The following CDC42BPA variants were observed in gnomAD, a reference collection of about 807,000 sequenced individuals.
CDC42BPA encodes serine/threonine-protein kinase MRCK alpha.
A neutral mutation model predicts 223.5 loss-of-function variants in CDC42BPA; 80 were observed. That is an observed-to-expected ratio of 0.36 (90% CI 0.30 to 0.43). CDC42BPA has a LOEUF of 0.43. Among genes scored for constraint, CDC42BPA ranks in the 20% least tolerant of loss-of-function variants. The pLI is 1.00. For missense variants in CDC42BPA, 1,743 were observed against 2,099.9 expected (o/e 0.83, Z 3.32); for synonymous variants, 694 against 718.6 (o/e 0.97, Z 0.55).
At chr1:227,022,668 T>A (rs899287303) in intron 32 of CDC42BPA, among the ~76,000 whole-genome samples, 28 of 152,198 alleles carry the variant, frequency 1.8e-4, no homozygotes, top group African/African-American at 6.3e-4. Context: ...ATGTGAACAG[T>A]CTCCCTGGCA....
chr1:227,267,936 G>C lies in CDC42BPA; in HGVS notation c.179-13781C>G, dbSNP rs9919207. On this transcript the variant is annotated intron_variant, in intron 1 of 36. Coordinates refer to ENST00000366766, the MANE Select transcript of CDC42BPA (RefSeq NM_001394014.1). ...ATATCACCAGACAAAAGACATGGGA[G>C]AAAGAATCTTGGACAATTCATACTA... 9.8e-3 allele frequency among the ~76,000 whole-genome samples: 1,485 copies of C among 152,228 alleles called. 24 individuals carry two copies. Among genetic ancestry groups the C allele is most frequent in the African/African-American group, 0.034 (1,409 of 41,532 alleles).
intron 21 of CDC42BPA, among the ~76,000 whole-genome samples, chr1:227,061,535 C>T (rs1675925473): frequency 6.6e-6 from 1 of 151,554 alleles, no homozygotes; most frequent in Non-Finnish European, 1.5e-5. Flanking sequence ...ATACAAATGC[C>T]GTCTGTATTT....
At chr1:227,113,845 T>G (rs1330201418) in intron 12 of CDC42BPA, among the ~76,000 whole-genome samples, 2 of 146,874 alleles carry the variant, frequency 1.4e-5, no homozygotes, top group Admixed American at 6.9e-5. Context: ...AGACCTTATC[T>G]CTACAAAAAA....
intron 16 of CDC42BPA, among the ~76,000 whole-genome samples, chr1:227,086,151 T>G (rs946080992): frequency 2.6e-5 from 4 of 152,244 alleles, no homozygotes; most frequent in Non-Finnish European, 4.4e-5. Flanking sequence ...TACTGTTGCA[T>G]GCATCAGAAT....
chr1:227,253,286 G>A (rs1049329429), intron 2 of CDC42BPA, among the ~76,000 whole-genome samples: 1 of 152,220 alleles, frequency 6.6e-6, no homozygotes, highest in African/African-American at 2.4e-5. Context: ...GCGTGCGCGT[G>A]CATGTGTATC....
rs973746164 is a variant in CDC42BPA, at chr1:227,108,398, G to T, written c.2001+3914C>A. 1.4e-4 allele frequency among the ~76,000 whole-genome samples: 21 copies of T among 145,642 alleles called. No individual in the cohort carries two copies. In the Admixed American group the frequency reaches 1.4e-3, roughly 10 times the overall value. On this transcript the variant is annotated intron_variant, in intron 14 of 36. Coordinates refer to ENST00000366766, the MANE Select transcript of CDC42BPA (RefSeq NM_001394014.1). ...TGTTCATTGATTTCCACATATTTTT[G>T]AGCATTCCAGGTTTTTTTTTTCCCT... is the stretch of plus-strand genomic sequence containing the variant.
chr1:227,146,044 T>C (rs780281713), intron 7 of CDC42BPA, among the ~76,000 whole-genome samples: 6 of 152,186 alleles, frequency 3.9e-5, no homozygotes, highest in African/African-American at 9.6e-5. Context: ...AATTTGACTC[T>C]ATTTAAATCA....
chr1:227,223,479 A>G (rs953603986), intron 2 of CDC42BPA, among the ~76,000 whole-genome samples: 29 of 152,178 alleles, frequency 1.9e-4, no homozygotes, highest in African/African-American at 6.3e-4. Flanking sequence ...AGCTCTGTGG[A>G]GAATGGTTTT....
At chr1:227,194,425 C>T (rs1392318779) in intron 4 of CDC42BPA, among the ~76,000 whole-genome samples, 1 of 152,178 alleles carries the variant, frequency 6.6e-6, no homozygotes, top group African/African-American at 2.4e-5. Flanking sequence ...TATAGATCAG[C>T]ATTTAGAAAC....
chr1:227,128,085 C>T (rs1558559756), intron 11 of CDC42BPA, among the ~76,000 whole-genome samples: 2 of 152,162 alleles, frequency 1.3e-5, no homozygotes, highest in Non-Finnish European at 2.9e-5. Flanking sequence ...GGCAACAAGC[C>T]CATTTCACCC....
chr1:227,105,737 C>T (rs767895253), intron 14 of CDC42BPA, among the ~76,000 whole-genome samples: 6 of 152,064 alleles, frequency 3.9e-5, no homozygotes, highest in Admixed American at 1.3e-4. Context: ...TTACTTAGTA[C>T]GTTTTCGAGA....
At chr1:227,299,762 C>T (rs959093100) in intron 1 of CDC42BPA, among the ~76,000 whole-genome samples, 4 of 152,014 alleles carry the variant, frequency 2.6e-5, no homozygotes, top group African/African-American at 7.2e-5. Flanking sequence ...AAAATAAAAA[C>T]GACCTTGAGC....
At chr1:227,088,362 C>A (rs1682385761) in intron 16 of CDC42BPA, among the ~76,000 whole-genome samples, 1 of 152,106 alleles carries the variant, frequency 6.6e-6, no homozygotes, top group African/African-American at 2.4e-5. Context: ...TGTACATTGA[C>A]ACATTTGACT....
intron 21 of CDC42BPA, chr1:227,059,323 G>C (rs1309703027): frequency 1.4e-6 from 2 of 1,478,218 alleles, no homozygotes; most frequent in Non-Finnish European, 9.3e-7. Flanking sequence ...AAGGATGAGA[G>C]AGGGGTAAAA....
In CDC42BPA at chr1:226,994,117, G is replaced by T; in HGVS notation, c.*151C>A. On this transcript the variant is annotated 3_prime_UTR_variant, in exon 37 of 37. Coordinates refer to ENST00000366766, the MANE Select transcript of CDC42BPA (RefSeq NM_001394014.1). The surrounding 1 kb of genome is among the most constrained non-coding windows in gnomAD (Gnocchi z 4.0). ...GGCTGGGGGCGTGGATCTGAGAGTC[G>T]TGTCGTCAGAACTCCTGAATCCCTG... is the stretch of plus-strand genomic sequence containing the variant. 1 of 617,452 alleles carries T rather than the reference G, an allele frequency of 1.6e-6. No homozygotes were observed. Among genetic ancestry groups the T allele is most frequent in the Non-Finnish European group, 2.8e-6 (1 of 362,620 alleles). 38.2% of individuals were successfully genotyped at this position (617,452 alleles called of 1,614,324 possible).
Position 227,317,617 on chromosome 1 carries a change from T to A in CDC42BPA, c.-435A>T. The A allele has an allele frequency of 2.5e-6, 1 of 397,430 alleles. No homozygotes were observed. The allele number at this position is 397,430 out of a possible 1,614,324, so 24.6% of individuals were successfully genotyped here. Reference sequence around the variant, plus strand: ...ATTAATGAATAAAGTCCGATTTGCATCAGCAATTCACTTCCCGGGAAGAAG... The same window carrying A: ...ATTAATGAATAAAGTCCGATTTGCAACAGCAATTCACTTCCCGGGAAGAAG... On this transcript the variant is annotated 5_prime_UTR_variant, in exon 1 of 37. The change abolishes an upstream ATG in the 5' untranslated region. Transcript: ENST00000366766.
intron 35 of CDC42BPA, 84 bp downstream of exon 35, chr1:227,004,910 G>A (rs747344044): frequency 1.1e-6 from 1 of 916,790 alleles, no homozygotes; most frequent in East Asian, 2.4e-5. Flanking sequence ...CGTAAGTGAA[G>A]GACATGTCAC....
At position 227,240,762 on chromosome 1, in the gene CDC42BPA, T is replaced by C. The variant is rs868477042; in HGVS notation, c.270+13302A>G. Among the ~76,000 whole-genome samples the C allele has an allele frequency of 1.3e-4, 20 of 151,446 alleles. 1 individual carries two copies. Among genetic ancestry groups the C allele is most frequent in the Admixed American group, 2.6e-4 (4 of 15,214 alleles). ...ATTTGAGATGGATCACCAATCTAAA[T>C]ATAGTAGCTAAAAATAGAAGGCTTT... On this transcript the variant is annotated intron_variant, in intron 2 of 36. Transcript: ENST00000366766.
At chr1:227,267,283 G>A (rs1191645450) in intron 1 of CDC42BPA, among the ~76,000 whole-genome samples, 1 of 152,102 alleles carries the variant, frequency 6.6e-6, no homozygotes, top group Admixed American at 6.5e-5. Flanking sequence ...ATACATAACA[G>A]AATACATAAT....
Sources: gnomAD v4.1 joint callset for allele counts (sites outside exome capture counted in the v4.1 genomes callset) on GRCh38, gnomAD v4.1.1 for gene constraint, Gnocchi (gnomAD v3.1) non-coding constraint, MANE v1.5 for transcripts, NCBI Gene and HGNC (gene_info 2026-07-23, HGNC 2026-07-21) for gene names.